Variants in MCC observed in about 807,000 individuals in gnomAD.
MCC encodes the protein MCC regulator of Wnt signaling pathway.
MCC carries 90 observed loss-of-function variants against 116.2 expected under a neutral mutation model. The observed-to-expected ratio is 0.77, with a 90% CI of 0.65 to 0.92. The LOEUF (loss-of-function observed/expected upper bound fraction) is 0.92, where lower values mean the gene tolerates loss of function less well. MCC is among the 40% of genes least tolerant of loss of function. The pLI is 0.00. For missense variants in MCC, 1,516 were observed against 1,312.2 expected (o/e 1.16, Z -2.40); for synonymous variants, 578 against 510.5 (o/e 1.13, Z -1.78).
At chr5:113,417,092 C>G (rs924836169) in intron 1 of MCC, among the ~76,000 whole-genome samples, 1 of 151,626 alleles carries the variant, frequency 6.6e-6, no homozygotes, top group African/African-American at 2.4e-5. Context: ...GCCTCAGCCT[C>G]CCAAGTAGCT....
chr5:113,448,822 C>T (rs547049351), intron 1 of MCC, among the ~76,000 whole-genome samples: 35 of 152,326 alleles, frequency 2.3e-4, no homozygotes, highest in Middle Eastern at 6.8e-3. Flanking sequence ...GAGGGAAAAT[C>T]ATTCAAGACA....
intron 15 of MCC, among the ~76,000 whole-genome samples, chr5:113,050,294 C>A (rs1271358565): frequency 6.6e-6 from 1 of 152,188 alleles, no homozygotes; most frequent in Non-Finnish European, 1.5e-5. Context: ...CGCACTTCTG[C>A]TGGAGAGTAA....
intron 6 of MCC, among the ~76,000 whole-genome samples, chr5:113,121,645 A>T (rs957075017): frequency 6.6e-6 from 1 of 152,220 alleles, no homozygotes; most frequent in African/African-American, 2.4e-5. Flanking sequence ...TGTAGCACTT[A>T]TAGGATTTTA....
chr5:113,197,678 G>A (rs769117796), intron 3 of MCC, among the ~76,000 whole-genome samples: 1 of 152,204 alleles, frequency 6.6e-6, no homozygotes, highest in Non-Finnish European at 1.5e-5. Flanking sequence ...GGGGCCCTAT[G>A]TATTAAGCAC....
At chr5:113,080,033 C>A (rs562491900) in intron 11 of MCC, among the ~76,000 whole-genome samples, 145 of 152,272 alleles carry the variant, frequency 9.5e-4, no homozygotes, top group Non-Finnish European at 1.8e-3. Context: ...ATTTATGCAG[C>A]CAACAGACAC....
At chr5:113,269,518 T>C (rs1390831105) in intron 3 of MCC, among the ~76,000 whole-genome samples, 1 of 152,186 alleles carries the variant, frequency 6.6e-6, no homozygotes, top group Non-Finnish European at 1.5e-5. Flanking sequence ...TTATTCAGAC[T>C]CTCCCACAAA....
rs143818182 is a variant in MCC, at chr5:113,413,667, T to C, written c.171-28455A>G. Among the ~76,000 whole-genome samples, 1,309 of 152,286 alleles carry C rather than the reference T, an allele frequency of 8.6e-3. 6 individuals carry two copies. Among genetic ancestry groups the C allele is most frequent in the Non-Finnish European group, 0.013 (878 of 68,006 alleles). On this transcript the variant is annotated intron_variant, in intron 1 of 18. Coordinates refer to ENST00000408903, the MANE Select transcript of MCC (RefSeq NM_001085377.2). ...TCTATTTGAATCTTCTCTCTTTTCT[T>C]CTTTATTAGTCTTGCTAGCAGCCTA...
At chr5:113,207,577 C>T (rs1762964254) in intron 3 of MCC, among the ~76,000 whole-genome samples, 1 of 152,134 alleles carries the variant, frequency 6.6e-6, no homozygotes, top group Non-Finnish European at 1.5e-5. Flanking sequence ...TTCATCTGTC[C>T]ATCCACGTAG....
At chr5:113,194,341 AAG>A (rs1762286782) in intron 3 of MCC, among the ~76,000 whole-genome samples, 1 of 152,132 alleles carries the variant, frequency 6.6e-6, no homozygotes, top group Non-Finnish European at 1.5e-5. Context: ...TGCCCCATAG[AAG>A]AGAGAAAAAC....
chr5:113,085,200 G>T lies in MCC; in HGVS notation c.1509C>A (p.Ser503Arg). 6.2e-7 allele frequency: 1 copy of T among 1,614,242 alleles called. No individual in the cohort carries two copies. Among genetic ancestry groups the T allele is most frequent in the Non-Finnish European group, 8.5e-7 (1 of 1,180,040 alleles). The change falls in exon 9 of 19, where the codon AGC (serine) becomes AGA (arginine). Residue 503 changes from serine to arginine, a missense_variant. Ser to Arg is a moderately radical substitution (Grantham distance 110, BLOSUM62 -1). Coordinates refer to ENST00000408903, the MANE Select transcript of MCC (RefSeq NM_001085377.2). ...GAATGTCATTGCTGCTGCTGCTTGT[G>T]CTCAGCTCCCCAGTGCTGGGGTTAA... ...RPINPSTGEL[S>R]TSSSSNDIPI...
At chr5:113,419,718 G>A (rs1770266896) in intron 1 of MCC, among the ~76,000 whole-genome samples, 1 of 151,408 alleles carries the variant, frequency 6.6e-6, no homozygotes. Flanking sequence ...CATGTCCTTT[G>A]TAGGGACATG....
intron 1 of MCC, among the ~76,000 whole-genome samples, chr5:113,459,815 C>T (rs890317520): frequency 3.3e-5 from 4 of 120,068 alleles, no homozygotes; most frequent in African/African-American, 6.8e-5. Context: ...GTCCTAGAAT[C>T]GCTATGGAAA....
At chr5:113,333,794 T>TATGTAC (rs1554076857) in intron 3 of MCC, among the ~76,000 whole-genome samples, 1 of 89,776 alleles carries the variant, frequency 1.1e-5, no homozygotes, top group African/African-American at 7.1e-5. Flanking sequence ...TATATTTATA[T>TATGTAC]ATATATGTAT....
At chr5:113,219,987 T>TAGA (rs2150328276) in intron 3 of MCC, among the ~76,000 whole-genome samples, 1 of 152,020 alleles carries the variant, frequency 6.6e-6, no homozygotes, top group African/African-American at 2.4e-5. Flanking sequence ...TTCATTCTTT[T>TAGA]TCTAAGTTAA....
chr5:113,210,055 C>T (rs538171195), intron 3 of MCC, among the ~76,000 whole-genome samples: 6 of 152,238 alleles, frequency 3.9e-5, no homozygotes, highest in South Asian at 2.1e-4. Context: ...CTCTTCTCAC[C>T]GCAGCCATAA....
At chr5:113,166,508 G>A (rs907419716) in intron 3 of MCC, among the ~76,000 whole-genome samples, 6 of 151,988 alleles carry the variant, frequency 3.9e-5, no homozygotes, top group African/African-American at 1.4e-4. Flanking sequence ...TGCTAATCTT[G>A]GAACAGCGTG....
chr5:113,302,144 G>A (rs1353848792), intron 3 of MCC, among the ~76,000 whole-genome samples: 2 of 152,042 alleles, frequency 1.3e-5, no homozygotes, highest in Non-Finnish European at 2.9e-5. Context: ...TAATGGCTAC[G>A]AACATTACAA....
chr5:113,094,785 C>A (rs151172251), intron 8 of MCC, among the ~76,000 whole-genome samples: 1 of 152,312 alleles, frequency 6.6e-6, no homozygotes, highest in East Asian at 1.9e-4. Flanking sequence ...CAGCCAAGAG[C>A]TAGCCTTGAA....
chr5:113,124,813 G>T (rs571130362), intron 5 of MCC, among the ~76,000 whole-genome samples: 3 of 152,308 alleles, frequency 2.0e-5, no homozygotes, highest in Non-Finnish European at 4.4e-5. Context: ...ACAAAGATAG[G>T]AACACAAAGA....
Sources: gnomAD v4.1 joint callset for allele counts (sites outside exome capture counted in the v4.1 genomes callset) on GRCh38, gnomAD v4.1.1 for gene constraint, MANE v1.5 for transcripts, NCBI Gene and HGNC (gene_info 2026-07-23, HGNC 2026-07-21) for gene names.